The following TBC1D5 variants were observed in gnomAD, a reference collection of about 807,000 sequenced individuals.
TBC1D5 encodes TBC1 domain family, member 5.
A neutral mutation model predicts 100.3 loss-of-function variants in TBC1D5; 75 were observed. The observed-to-expected ratio is 0.75, with a 90% CI of 0.62 to 0.91. The LOEUF is 0.91. Ranked by LOEUF, TBC1D5 falls within the 40% of genes least tolerant of loss-of-function variation. The probability of loss-of-function intolerance (pLI) is 0.00; values close to 1 mark genes in which losing one functional copy is unlikely to be tolerated. For missense variants in TBC1D5, 910 were observed against 942.4 expected, an observed-to-expected ratio of 0.97 and a Z score of 0.45; for synonymous variants, 323 against 325.6, an observed-to-expected ratio of 0.99 and a Z score of 0.09.
At chr3:17,550,703 A>G (rs1157006609) in intron 2 of TBC1D5, among the ~76,000 whole-genome samples, 1 of 152,170 alleles carries the variant, frequency 6.6e-6, no homozygotes, top group African/African-American at 2.4e-5. Flanking sequence ...TTAATCCAAT[A>G]TGTTATATGT....
intron 16 of TBC1D5, among the ~76,000 whole-genome samples, chr3:17,253,093 T>G (rs1009811148): frequency 7.9e-5 from 12 of 152,332 alleles, no homozygotes; most frequent in African/African-American, 2.9e-4. Context: ...TAAAAAGCAT[T>G]ATAAGATTCT....
At chr3:17,494,856 A>G (rs1426113540) in intron 3 of TBC1D5, among the ~76,000 whole-genome samples, 1 of 152,180 alleles carries the variant, frequency 6.6e-6, no homozygotes, top group African/African-American at 2.4e-5. Context: ...AGCAGCCACC[A>G]AGAGTCTGCA....
chr3:17,249,855 G>A (rs1010073367), intron 16 of TBC1D5, among the ~76,000 whole-genome samples: 2 of 152,180 alleles, frequency 1.3e-5, no homozygotes, highest in Admixed American at 1.3e-4. Flanking sequence ...TAAATTTGCT[G>A]TCTTATATGG....
chr3:17,725,352 A>G (rs1281304554), intron 1 of TBC1D5, among the ~76,000 whole-genome samples: 1 of 152,056 alleles, frequency 6.6e-6, no homozygotes, highest in Non-Finnish European at 1.5e-5. Flanking sequence ...CAAGAGAGAG[A>G]AGGCCAGTTG....
intron 14 of TBC1D5, among the ~76,000 whole-genome samples, chr3:17,292,908 C>T (rs1387480160): frequency 3.9e-5 from 6 of 152,246 alleles, no homozygotes; most frequent in East Asian, 3.9e-4. Context: ...ATAGAAACAA[C>T]ACAAATCAAA....
intron 1 of TBC1D5, among the ~76,000 whole-genome samples, chr3:17,712,616 G>A (rs1439918953): frequency 6.6e-6 from 1 of 152,138 alleles, no homozygotes; most frequent in African/African-American, 2.4e-5. Context: ...TAACAGCTAT[G>A]TATCGGGAAT....
At chr3:17,220,661 T>C (rs1477566459) in intron 17 of TBC1D5, among the ~76,000 whole-genome samples, 1 of 152,188 alleles carries the variant, frequency 6.6e-6, no homozygotes, top group Non-Finnish European at 1.5e-5. Flanking sequence ...GTTCTTTTCA[T>C]AAATTTCTCC....
intron 4 of TBC1D5, among the ~76,000 whole-genome samples, chr3:17,407,546 T>C (rs1158558676): frequency 6.6e-6 from 1 of 152,150 alleles, no homozygotes; most frequent in Non-Finnish European, 1.5e-5. Context: ...GTTACACACA[T>C]GTGCAGTTGT....
chr3:17,741,129 A>C (rs1018745048), upstream of TBC1D5, among the ~76,000 whole-genome samples: 2 of 152,236 alleles, frequency 1.3e-5, no homozygotes, highest in Non-Finnish European at 2.9e-5. Flanking sequence ...CTTGCTACTC[A>C]AAGATAGTCC....
chr3:17,444,414 C>A (rs1308111649), intron 3 of TBC1D5, among the ~76,000 whole-genome samples: 3 of 151,892 alleles, frequency 2.0e-5, no homozygotes, highest in African/African-American at 7.2e-5. Context: ...GCATTTCTCC[C>A]ATGTTATTTA....
chr3:17,216,330 T>C (rs980518342), intron 17 of TBC1D5, among the ~76,000 whole-genome samples: 5 of 152,104 alleles, frequency 3.3e-5, no homozygotes, highest in Non-Finnish European at 2.9e-5. Context: ...ACAGGACTCC[T>C]TTAATAGGAA....
intron 16 of TBC1D5, among the ~76,000 whole-genome samples, chr3:17,251,437 C>CA (rs1491469152): frequency 8.4e-6 from 1 of 119,396 alleles, no homozygotes; most frequent in Non-Finnish European, 1.9e-5. Context: ...CCCCCCCCCC[C>CA]CAGTAGAAGC....
chr3:17,282,421 C>G (rs2080708664), intron 15 of TBC1D5, among the ~76,000 whole-genome samples: 1 of 152,130 alleles, frequency 6.6e-6, no homozygotes, highest in Non-Finnish European at 1.5e-5. Context: ...TGTAAGACAT[C>G]AAATAAAATG....
At chr3:17,321,472 T>C (rs1011751074) in intron 13 of TBC1D5, among the ~76,000 whole-genome samples, 1 of 152,264 alleles carries the variant, frequency 6.6e-6, no homozygotes, top group African/African-American at 2.4e-5. Flanking sequence ...GCACAACTGC[T>C]TTTAGTTTTA....
chr3:17,537,492 G>T (rs1470653989), intron 2 of TBC1D5, among the ~76,000 whole-genome samples: 1 of 152,080 alleles, frequency 6.6e-6, no homozygotes, highest in Non-Finnish European at 1.5e-5. Context: ...CCAAGAGGGG[G>T]TCTGTTCTGT....
chr3:17,384,544 G>A (rs547942366), intron 8 of TBC1D5, among the ~76,000 whole-genome samples: 1 of 151,612 alleles, frequency 6.6e-6, no homozygotes, highest in Non-Finnish European at 1.5e-5. Flanking sequence ...AACCCAAAGA[G>A]AAAACCCACA....
chr3:17,311,468 G>C lies in TBC1D5; in HGVS notation c.996-3334C>G, dbSNP rs146971587. Among the ~76,000 whole-genome samples the C allele has an allele frequency of 4.6e-3, 701 of 152,056 alleles. 3 individuals carry two copies. Among genetic ancestry groups the C allele is most frequent in the Non-Finnish European group, 7.8e-3 (532 of 67,918 alleles). On this transcript the variant is annotated intron_variant, in intron 13 of 21. Transcript: ENST00000253692. ...TGTTTGCATTTATACCACTATTCTC[G>C]ATTTTAAATTTCTGTGTAATTAAGC... is the stretch of plus-strand genomic sequence containing the variant.
chr3:17,616,650 C>CT (rs1337878568), intron 2 of TBC1D5, among the ~76,000 whole-genome samples: 8 of 152,240 alleles, frequency 5.3e-5, no homozygotes, highest in Non-Finnish European at 1.0e-4. Context: ...TAATGGCCTT[C>CT]TTTGTCTCTT....
chr3:17,737,580 T>C (rs1026605199), intron 1 of TBC1D5, among the ~76,000 whole-genome samples: 1 of 152,188 alleles, frequency 6.6e-6, no homozygotes, highest in Non-Finnish European at 1.5e-5. Flanking sequence ...CCTAACATAC[T>C]GTGATTACTG....
Sources: gnomAD v4.1 joint callset for allele counts (sites outside exome capture counted in the v4.1 genomes callset) on GRCh38, gnomAD v4.1.1 for gene constraint, MANE v1.5 for transcripts, NCBI Gene and HGNC (gene_info 2026-07-23, HGNC 2026-07-21) for gene names.